COL22A1: variants seen among roughly 807,000 people sequenced by gnomAD.
COL22A1 encodes collagen alpha-1(XXII) chain.
A neutral mutation model predicts 248.9 loss-of-function variants in COL22A1; 221 were observed. The ratio of observed to expected loss-of-function variants is 0.89; its 90% confidence interval spans 0.80 to 0.99. The LOEUF (loss-of-function observed/expected upper bound fraction) is 0.99, where lower values mean the gene tolerates loss of function less well. Ranked by LOEUF, COL22A1 falls within the 50% of genes least tolerant of loss-of-function variation. The probability of loss-of-function intolerance (pLI) is 0.00; values close to 1 mark genes in which losing one functional copy is unlikely to be tolerated. For synonymous variants in COL22A1, 891 were observed against 793.4 expected (o/e 1.12, Z -2.07); for missense variants, 2,240 against 2,179.0 (o/e 1.03, Z -0.56).
intron 3 of COL22A1, among the ~76,000 whole-genome samples, chr8:138,866,717 G>T (rs1190738009): frequency 6.6e-6 from 1 of 152,224 alleles, no homozygotes; most frequent in Non-Finnish European, 1.5e-5. Context: ...GATTCATATT[G>T]AACCTCAAAC....
At chr8:138,663,012 T>TCTCACACACACACACACACA (rs1554737802) in intron 42 of COL22A1, among the ~76,000 whole-genome samples, 6 of 140,772 alleles carry the variant, frequency 4.3e-5, no homozygotes, top group African/African-American at 1.3e-4. Flanking sequence ...CAGGACTCTG[T>TCTCACACACACACACACACA]CACTCACACA....
At chr8:138,902,392 G>A (rs1448227334) in intron 1 of COL22A1, among the ~76,000 whole-genome samples, 1 of 152,142 alleles carries the variant, frequency 6.6e-6, no homozygotes, top group East Asian at 1.9e-4. Flanking sequence ...ATGTAGGCCT[G>A]CACTTTTATA....
At chr8:138,713,710 A>ACCCCCCCCCCCCC (rs367727991) in intron 30 of COL22A1, among the ~76,000 whole-genome samples, 1 of 41,890 alleles carries the variant, frequency 2.4e-5, no homozygotes, top group Admixed American at 2.4e-4. Flanking sequence ...CTATGAGTCC[A>ACCCCCCCCCCCCC]CCCCCACCGC....
chr8:138,690,150 C>T (rs973409065), intron 36 of COL22A1, among the ~76,000 whole-genome samples: 1 of 152,176 alleles, frequency 6.6e-6, no homozygotes, highest in East Asian at 1.9e-4. Flanking sequence ...ATGCTTATTA[C>T]CTATAAAGGC....
intron 23 of COL22A1, among the ~76,000 whole-genome samples, chr8:138,731,092 G>A (rs544265869): frequency 1.3e-5 from 2 of 152,018 alleles, no homozygotes; most frequent in East Asian, 1.9e-4. Flanking sequence ...ACCTGAGGTC[G>A]GGAGTTCAAG....
chr8:138,683,770 TG>T (rs1421127415), intron 39 of COL22A1, among the ~76,000 whole-genome samples: 2 of 152,198 alleles, frequency 1.3e-5, no homozygotes, highest in Admixed American at 1.3e-4. Flanking sequence ...CCATGAGATA[TG>T]AACTTTTACT....
At position 138,755,788 on chromosome 8, in the gene COL22A1, T is replaced by C. The variant is rs1430803700; in HGVS notation, c.1944A>G (p.Ser648=). Residue 648 remains serine (S), a synonymous_variant, in exon 19 of 65, where the codon TCA becomes TCG. Transcript: ENST00000303045. ...ATTCCAACCACTGCTGACTCACCAC[T>C]GAGCCTGGTACACCAGGTGGCCCCG... The part of the protein sequence containing the change: ...GPAGPPGVPG[S]VVQQEGLKGE... 2 of 1,614,108 alleles carry C rather than the reference T, an allele frequency of 1.2e-6. No homozygotes were observed. Among genetic ancestry groups the C allele is most frequent in the East Asian group, 2.2e-5 (1 of 44,874 alleles).
intron 47 of COL22A1, among the ~76,000 whole-genome samples, chr8:138,645,363 C>A (rs914128414): frequency 8.5e-5 from 13 of 152,270 alleles, no homozygotes; most frequent in Non-Finnish European, 1.0e-4. Flanking sequence ...CTCATCCCTG[C>A]GAGCAGCCCG....
intron 12 of COL22A1, among the ~76,000 whole-genome samples, chr8:138,794,915 T>C (rs1040443217): frequency 1.3e-5 from 2 of 151,688 alleles, no homozygotes; most frequent in Admixed American, 6.6e-5. Flanking sequence ...GGAGAGGAAA[T>C]GGGGAGATGC....
chr8:138,780,954 A>T lies in COL22A1; in HGVS notation c.1623T>A (p.Pro541=), dbSNP rs1563754915. The T allele has an allele frequency of 3.7e-6, 6 of 1,611,880 alleles. No homozygotes were observed. In the African/African-American group the frequency reaches 4.0e-5, roughly 11 times the overall value. ...EKGSLGLPGP[P]GRDGSKGMRG... Reference sequence around the variant, plus strand: ...TCATGCCTTTGCTGCCGTCTCTCCCAGGGGGGCCGGGCAGGCCCAGGGAAC... The same window carrying T: ...TCATGCCTTTGCTGCCGTCTCTCCCTGGGGGGCCGGGCAGGCCCAGGGAAC... The change falls in exon 13 of 65, where the codon CCT becomes CCA. Residue 541 remains proline (P), a synonymous_variant. Coordinates refer to ENST00000303045, the MANE Select transcript of COL22A1 (RefSeq NM_152888.3).
At chr8:138,809,528 C>CTTTTTTTTTTTCTTTTTTT (rs71518485) in intron 9 of COL22A1, among the ~76,000 whole-genome samples, 2 of 117,630 alleles carry the variant, frequency 1.7e-5, no homozygotes, top group East Asian at 2.2e-4. Flanking sequence ...TTTTCTTTTT[C>CTTTTTTTTTTTCTTTTTTT]TTTTTTTTTT....
intron 58 of COL22A1, 47 bp from the exon 59 acceptor site, chr8:138,604,816 T>C (rs1410921328): frequency 1.4e-6 from 2 of 1,460,908 alleles, no homozygotes; most frequent in Non-Finnish European, 1.9e-6. Flanking sequence ...ATCAGCCCAA[T>C]GTCAGTACTA....
intron 44 of COL22A1, among the ~76,000 whole-genome samples, chr8:138,656,481 AG>A (rs1327440812): frequency 6.6e-6 from 1 of 152,194 alleles, no homozygotes; most frequent in Non-Finnish European, 1.5e-5. Context: ...TTCAGAAATC[AG>A]GAATAATTAC....
rs71316352 is a variant in COL22A1, at chr8:138,652,735, G to GTTTTTTTTTTTTTTTTTTTTTTTT, written c.3334-2981_3334-2958dup. Among the ~76,000 whole-genome samples, 15 of 54,282 alleles carry GTTTTTTTTTTTTTTTTTTTTTTTT rather than the reference G, an allele frequency of 2.8e-4. 5 individuals carry two copies. The highest frequency in any genetic ancestry group is 1.2e-3 in the South Asian group (1 of 844). 35.6% of individuals were successfully genotyped at this position (54,282 alleles called of 152,430 possible). A position where few individuals can be genotyped will look rare whatever the true frequency, so the allele number is the denominator to read the frequency against. Reference sequence around the variant, plus strand: ...TAAAATATTTTCTTTTCCTTTTCTGGTTTTTTTTTTTTTTTTTTTTTTTTT... The same window carrying GTTTTTTTTTTTTTTTTTTTTTTTT: ...TAAAATATTTTCTTTTCCTTTTCTGGTTTTTTTTTTTTTTTTTTTTTTTTTTTTTTTTTTTTTTTTTTTTTTTTT... On this transcript the variant is annotated intron_variant, in intron 45 of 64. Coordinates refer to ENST00000303045, the MANE Select transcript of COL22A1 (RefSeq NM_152888.3).
chr8:138,611,678 G>A (rs760892298), intron 56 of COL22A1, among the ~76,000 whole-genome samples: 2 of 152,180 alleles, frequency 1.3e-5, no homozygotes, highest in East Asian at 3.9e-4. Context: ...TTCCCCGTGG[G>A]GTTGATATCA....
At chr8:138,646,795 G>A in intron 46 of COL22A1, 113 bp from the exon 47 acceptor site, 2 of 742,860 alleles carry the variant, frequency 2.7e-6, no homozygotes, top group South Asian at 4.0e-5. Context: ...TTTCCACTGG[G>A]ACTTCCGTCA....
chr8:138,809,301 T>C (rs1425225236), intron 9 of COL22A1, among the ~76,000 whole-genome samples: 1 of 152,148 alleles, frequency 6.6e-6, no homozygotes, highest in Non-Finnish European at 1.5e-5. Context: ...CTACAGAATT[T>C]TTGAGGGCCA....
At chr8:138,620,991 AT>A (rs1487406864) in intron 52 of COL22A1, among the ~76,000 whole-genome samples, 30 of 123,156 alleles carry the variant, frequency 2.4e-4, no homozygotes, top group African/African-American at 6.1e-4. Context: ...CCATCCATCC[AT>A]CCACCCATCC....
At chr8:138,734,015 T>G (rs1008297049) in intron 23 of COL22A1, among the ~76,000 whole-genome samples, 1 of 152,082 alleles carries the variant, frequency 6.6e-6, no homozygotes, top group African/African-American at 2.4e-5. Flanking sequence ...ATTCAAACTG[T>G]CCAATCCTAA....
Sources: gnomAD v4.1 joint callset for allele counts (sites outside exome capture counted in the v4.1 genomes callset) on GRCh38, gnomAD v4.1.1 for gene constraint, MANE v1.5 for transcripts, NCBI Gene and HGNC (gene_info 2026-07-23, HGNC 2026-07-21) for gene names.